The following APBA2 variants were observed in gnomAD, a reference collection of about 807,000 sequenced individuals.
APBA2 encodes amyloid-beta A4 precursor protein-binding family A member 2.
APBA2 carries 30 observed loss-of-function variants against 75.0 expected under a neutral mutation model. That is an observed-to-expected ratio of 0.40 (90% CI 0.30 to 0.54). APBA2 has a LOEUF of 0.54. APBA2 is among the 20% of genes least tolerant of loss of function. The pLI is 0.49. For synonymous variants in APBA2, 444 were observed against 409.6 expected, an observed-to-expected ratio of 1.08 and a Z score of -1.01; for missense variants, 801 against 1,016.1, an observed-to-expected ratio of 0.79 and a Z score of 2.88.
chr15:29,100,034 C>A (rs1231415069), intron 9 of APBA2, among the ~76,000 whole-genome samples: 1 of 152,132 alleles, frequency 6.6e-6, no homozygotes, highest in South Asian at 2.1e-4. Context: ...GCTGTTGGGG[C>A]AGAGGAGCTG....
chr15:29,038,290 C>G (rs1218118645), intron 3 of APBA2, among the ~76,000 whole-genome samples: 2 of 152,206 alleles, frequency 1.3e-5, no homozygotes, highest in African/African-American at 4.8e-5. Context: ...CTGGGAAATC[C>G]CCTTTTCTGG....
chr15:28,914,425 C>T (rs2033573634), intron 1 of APBA2, among the ~76,000 whole-genome samples: 1 of 152,170 alleles, frequency 6.6e-6, no homozygotes, highest in South Asian at 2.1e-4. Flanking sequence ...TGAAGGATGG[C>T]TGGGGGTTTG....
chr15:28,997,840 G>A (rs1440681868), intron 3 of APBA2, among the ~76,000 whole-genome samples: 1 of 152,170 alleles, frequency 6.6e-6, no homozygotes, highest in South Asian at 2.1e-4. Flanking sequence ...AGAAGGTGCT[G>A]GGCTCTCTTC....
At chr15:28,965,157 T>C (rs1048256182) in intron 2 of APBA2, among the ~76,000 whole-genome samples, 1 of 152,150 alleles carries the variant, frequency 6.6e-6, no homozygotes, top group Non-Finnish European at 1.5e-5. Context: ...GGTATGAAAT[T>C]TATGTCAAAT....
intron 7 of APBA2, 124 bp from the exon 8 acceptor site, chr15:29,094,154 C>T: frequency 1.0e-6 from 1 of 1,002,736 alleles, no homozygotes. Flanking sequence ...TCCACCCGTC[C>T]CTGCTGGGCT....
intron 8 of APBA2, among the ~76,000 whole-genome samples, chr15:29,094,576 T>A (rs552325968): frequency 6.6e-6 from 1 of 152,378 alleles, no homozygotes; most frequent in East Asian, 1.9e-4. Context: ...TGCTGTGATG[T>A]TCCTGTTTTA....
intron 3 of APBA2, among the ~76,000 whole-genome samples, chr15:29,043,884 T>TAAACC (rs901544328): frequency 2.0e-4 from 31 of 152,356 alleles, no homozygotes; most frequent in African/African-American, 7.0e-4. Flanking sequence ...AGCTTGCGGT[T>TAAACC]GCCTGTGATC....
chr15:29,107,096 C>T (rs1440088355), intron 12 of APBA2, among the ~76,000 whole-genome samples: 1 of 152,180 alleles, frequency 6.6e-6, no homozygotes, highest in Non-Finnish European at 1.5e-5. Flanking sequence ...TGGGCAAGGG[C>T]CCAAGAACCA....
intron 3 of APBA2, among the ~76,000 whole-genome samples, chr15:29,023,637 G>T (rs1306448645): frequency 1.3e-5 from 2 of 151,466 alleles, no homozygotes; most frequent in Non-Finnish European, 2.9e-5. Flanking sequence ...TGTATTTTTA[G>T]TAGAGATGGA....
Position 28,893,134 on chromosome 15 carries a change from C to T in APBA2, c.-205+6856C>T, listed in dbSNP as rs148504547. 6.7e-3 allele frequency among the ~76,000 whole-genome samples: 1,022 copies of T among 152,284 alleles called. 12 individuals are homozygous for T. The highest frequency in any genetic ancestry group is 0.011 in the Admixed American group (167 of 15,296). ...TCTGGGAAGCCAGGCTTTGCCTCCA[C>T]GTGTGAGCCAGCTGTAGAGCGTCAC... is the stretch of plus-strand genomic sequence containing the variant. On this transcript the variant is annotated intron_variant, in intron 1 of 14. Transcript: ENST00000683413.
intron 14 of APBA2, among the ~76,000 whole-genome samples, chr15:29,116,749 A>G (rs1286380143): frequency 6.6e-6 from 1 of 151,986 alleles, no homozygotes; most frequent in East Asian, 1.9e-4. Flanking sequence ...GCCCCAGTGG[A>G]TGGGCAAACT....
intron 4 of APBA2, among the ~76,000 whole-genome samples, chr15:29,060,463 G>A (rs900722545): frequency 3.3e-5 from 5 of 152,228 alleles, no homozygotes; most frequent in African/African-American, 7.2e-5. Context: ...TTCAGTCCGC[G>A]TTTGAGCCTG....
chr15:28,976,423 C>T (rs2037341557), intron 2 of APBA2, among the ~76,000 whole-genome samples: 1 of 152,200 alleles, frequency 6.6e-6, no homozygotes, highest in South Asian at 2.1e-4. Flanking sequence ...CTTGTAGGGC[C>T]ATCTCTAATG....
chr15:29,030,735 G>A (rs991534480), intron 3 of APBA2, among the ~76,000 whole-genome samples: 1 of 149,416 alleles, frequency 6.7e-6, no homozygotes, highest in African/African-American at 2.5e-5. Context: ...GAGTATGTGT[G>A]TGTGTGTGTG....
chr15:29,093,233 C>A lies in APBA2; in HGVS notation c.1215+13C>A. 2 of 1,614,074 alleles carry A rather than the reference C, an allele frequency of 1.2e-6. No individual in the cohort carries two copies. The highest frequency in any genetic ancestry group is 2.7e-5 in the African/African-American group (2 of 75,076). On this transcript the variant is annotated intron_variant, in intron 7 of 14. Coordinates refer to ENST00000683413, the MANE Select transcript of APBA2 (RefSeq NM_001353788.2). The stretch of plus-strand genomic sequence containing the variant: ...CAGCCGGGTCAAGGTAGAGGTGCTT[C>A]GAGGGCCCCTCGCGGATGCCCGCAC...
At chr15:28,956,601 G>GT (rs1219138311) in intron 2 of APBA2, among the ~76,000 whole-genome samples, 3 of 152,210 alleles carry the variant, frequency 2.0e-5, no homozygotes, top group African/African-American at 7.2e-5. Flanking sequence ...CTGGAACCAT[G>GT]TTTAAGTGTA....
At chr15:28,943,376 C>T (rs892994660) in intron 2 of APBA2, among the ~76,000 whole-genome samples, 22 of 152,318 alleles carry the variant, frequency 1.4e-4, no homozygotes, top group African/African-American at 3.4e-4. Flanking sequence ...GGAGACTCCC[C>T]GGCTATTTGA....
chr15:29,059,724 A>G (rs2042050994), intron 4 of APBA2, among the ~76,000 whole-genome samples: 1 of 152,212 alleles, frequency 6.6e-6, no homozygotes, highest in South Asian at 2.1e-4. Context: ...TATCGCCCCT[A>G]GGAGCAATGT....
chr15:29,051,258 G>C (rs1172629552), intron 3 of APBA2, among the ~76,000 whole-genome samples: 4 of 152,142 alleles, frequency 2.6e-5, no homozygotes, highest in South Asian at 4.1e-4. Context: ...CTGGCCCCTT[G>C]TTCTCTTCTA....
Sources: allele counts gnomAD v4.1 joint callset (sites outside exome capture counted in the v4.1 genomes callset), GRCh38; gene constraint gnomAD v4.1.1; transcripts MANE v1.5; gene names NCBI Gene and HGNC (gene_info 2026-07-23, HGNC 2026-07-21).